Variants in GOLGA1 observed in about 807,000 individuals in gnomAD.
The protein encoded by GOLGA1 is golgin subfamily A member 1.
A neutral mutation model predicts 119.7 loss-of-function variants in GOLGA1; 63 were observed. That is an observed-to-expected ratio of 0.53 (90% CI 0.43 to 0.65). The LOEUF (loss-of-function observed/expected upper bound fraction) is 0.65. Among genes scored for constraint, GOLGA1 ranks in the 30% least tolerant of loss-of-function variants. The probability of loss-of-function intolerance (pLI) is 0.00; values close to 1 mark genes in which losing one functional copy is unlikely to be tolerated. For missense variants in GOLGA1, 798 were observed against 912.8 expected (o/e 0.87, Z 1.62); for synonymous variants, 318 against 333.4 (o/e 0.95, Z 0.50).
chr9:124,902,081 T>C (rs1830118466), intron 12 of GOLGA1, among the ~76,000 whole-genome samples: 1 of 152,218 alleles, frequency 6.6e-6, no homozygotes, highest in Admixed American at 6.5e-5. Flanking sequence ...TCTTATTTAC[T>C]GAATAAGGTC....
intron 10 of GOLGA1, among the ~76,000 whole-genome samples, chr9:124,913,601 CAG>C (rs1367183864): frequency 6.6e-6 from 1 of 152,186 alleles, no homozygotes; most frequent in African/African-American, 2.4e-5. Flanking sequence ...AGGTGGACAA[CAG>C]AGATAGTGGA....
chr9:124,931,523 T>C, intron 3 of GOLGA1, 117 bp from the exon 4 acceptor site: 1 of 641,866 alleles, frequency 1.6e-6, no homozygotes, highest in East Asian at 2.7e-5. Flanking sequence ...TTGTAATCAC[T>C]GAAAAGCTGG....
chr9:124,896,178 C>T (rs1195448196), intron 15 of GOLGA1, among the ~76,000 whole-genome samples: 3 of 152,138 alleles, frequency 2.0e-5, no homozygotes, highest in Non-Finnish European at 4.4e-5. Context: ...CTTTGGGAGG[C>T]CAACGCAGGT....
In GOLGA1 at chr9:124,940,969, A is replaced by G. The variant is rs933064948; in HGVS notation, c.-206+2T>C. The G allele has an allele frequency of 3.3e-5, 5 of 151,920 alleles. No individual in the cohort carries two copies. The highest frequency in any genetic ancestry group is 4.4e-5 in the Non-Finnish European group (3 of 67,964). The allele number at this position is 151,920 out of a possible 1,614,324, so 9.4% of individuals were successfully genotyped here. A position where few individuals can be genotyped will look rare whatever the true frequency, so the allele number is the denominator to read the frequency against. On this transcript the variant is annotated splice_donor_variant, in intron 1 of 22. Transcript: ENST00000373555. LOFTEE classifies it low-confidence loss of function (5UTR_SPLICE). The stretch of plus-strand genomic sequence containing the variant: ...GCATTCCCGGAGTCCTGGCCCGCGC[A>G]CCTGCCTCTCTCTGGGAAGCCAGCA...
At chr9:124,882,478 G>A in intron 20 of GOLGA1, 32 bp downstream of exon 20, 1 of 1,556,108 alleles carries the variant, frequency 6.4e-7, no homozygotes, top group Non-Finnish European at 8.8e-7. Context: ...GGAGTGCTGG[G>A]AAGTGGGGCC....
chr9:124,889,170 G>C lies in GOLGA1; in HGVS notation c.1734C>G (p.Ala578=), dbSNP rs34090990. 11 of 1,611,626 alleles carry C rather than the reference G, an allele frequency of 6.8e-6. No homozygotes were observed. The East Asian group carries it at 2.2e-4, about 33-fold the overall frequency. ...DLLRLRGPLQ[A]EALSVNESHV... ...GCGACTCATTGACTGAGAGTGCTTC[G>C]GCCTGCAATGGGCCCCGCAGCCTCA... Residue 578 remains alanine, a synonymous_variant, in exon 18 of 23, where the codon GCC becomes GCG. Transcript: ENST00000373555.
At chr9:124,939,223 A>G (rs1365340166) in intron 2 of GOLGA1, among the ~76,000 whole-genome samples, 1 of 152,194 alleles carries the variant, frequency 6.6e-6, no homozygotes, top group Non-Finnish European at 1.5e-5. Flanking sequence ...AACATCATAT[A>G]TTCATGACTT....
upstream of GOLGA1, among the ~76,000 whole-genome samples, chr9:124,941,542 G>A (rs1368360306): frequency 6.6e-6 from 1 of 152,224 alleles, no homozygotes; most frequent in Non-Finnish European, 1.5e-5. Context: ...TGCGCCTCCA[G>A]CTTCACTCAC....
chr9:124,926,716 A>G lies in GOLGA1; in HGVS notation c.425T>C (p.Leu142Pro), dbSNP rs1830681247. 3 of 1,585,094 alleles carry G rather than the reference A, an allele frequency of 1.9e-6. No individual in the cohort carries two copies. The highest frequency in any genetic ancestry group is 2.6e-6 in the Non-Finnish European group (3 of 1,154,226). ...AAATAAAGATGAACTAACCTTTTCA[A>G]GCTGATCCATCTTTTCTGACCATTC... ...DQEWSEKMDQ[L>P]EKEKNILTAQ... Residue 142 changes from leucine to proline, a missense_variant, in exon 7 of 23, where the codon CTT becomes CCT. Coordinates refer to ENST00000373555, the MANE Select transcript of GOLGA1 (RefSeq NM_002077.4).
chr9:124,937,440 G>C (rs932698619), intron 3 of GOLGA1, among the ~76,000 whole-genome samples: 1 of 151,926 alleles, frequency 6.6e-6, no homozygotes, highest in Non-Finnish European at 1.5e-5. Context: ...GTGACAGAGC[G>C]AGACCCTATC....
intron 3 of GOLGA1, among the ~76,000 whole-genome samples, chr9:124,936,166 C>T (rs1039499867): frequency 6.6e-6 from 1 of 152,184 alleles, no homozygotes; most frequent in Non-Finnish European, 1.5e-5. Context: ...GTCCATCTGT[C>T]ACAGAACCCA....
intron 4 of GOLGA1, among the ~76,000 whole-genome samples, 200 bp downstream of exon 4, chr9:124,931,116 T>A (rs995916591): frequency 3.3e-5 from 5 of 152,204 alleles, no homozygotes; most frequent in Non-Finnish European, 5.9e-5. Flanking sequence ...AAAAATTTTT[T>A]AATAAACTTT....
At chr9:124,940,728 CTG>C in intron 1 of GOLGA1, among the ~76,000 whole-genome samples, 1 of 152,342 alleles carries the variant, frequency 6.6e-6, no homozygotes, top group East Asian at 1.9e-4. Context: ...AGCAAGGAAA[CTG>C]AGCCCTAGAG....
In GOLGA1 at chr9:124,900,517, A is replaced by G; in HGVS notation, c.1096T>C (p.Ser366Pro). The G allele has an allele frequency of 6.3e-7, 1 of 1,597,482 alleles. No individual in the cohort carries two copies. Among genetic ancestry groups the G allele is most frequent in the Non-Finnish European group, 8.6e-7 (1 of 1,164,910 alleles). ...TTGCTCTGTTGGAGCTGCTCCTCAG[A>G]GGCCTGCAAGGTCTGCTCCAGTTCT... ...VRELEQTLQA[S>P]EEQLQQSKGI... Residue 366 changes from serine (S) to proline (P), a missense_variant, in exon 13 of 23, where the codon TCT becomes CCT. Physicochemically the swap from Ser to Pro is moderately conservative, Grantham distance 74. Transcript: ENST00000373555.
At chr9:124,913,542 C>T (rs577839535) in intron 10 of GOLGA1, among the ~76,000 whole-genome samples, 63 of 152,278 alleles carry the variant, frequency 4.1e-4, no homozygotes, top group Middle Eastern at 3.4e-3. Flanking sequence ...GATGCAGCAA[C>T]CAGGGTGTAT....
At chr9:124,892,742 G>C (rs1325626281) in intron 15 of GOLGA1, among the ~76,000 whole-genome samples, 1 of 152,056 alleles carries the variant, frequency 6.6e-6, no homozygotes, top group Non-Finnish European at 1.5e-5. Flanking sequence ...AGACCAGCCT[G>C]ACCAACATGG....
chr9:124,899,287 C>G (rs371412587), intron 14 of GOLGA1, 42 bp downstream of exon 14: 19 of 1,510,826 alleles, frequency 1.3e-5, no homozygotes, highest in Non-Finnish European at 1.6e-5. Flanking sequence ...TGTGGGGGAC[C>G]CTGGTGCTCC....
chr9:124,923,422 C>A (rs144421231), intron 7 of GOLGA1, among the ~76,000 whole-genome samples, 199 bp from the exon 8 acceptor site: 39 of 152,178 alleles, frequency 2.6e-4, no homozygotes, highest in African/African-American at 8.0e-4. Flanking sequence ...CAGACATGAG[C>A]CACCACACCC....
At chr9:124,921,399 G>A (rs968403442) in intron 9 of GOLGA1, among the ~76,000 whole-genome samples, 159 bp from the exon 10 acceptor site, 34 of 152,162 alleles carry the variant, frequency 2.2e-4, no homozygotes, top group Admixed American at 2.2e-3. Context: ...TCTCTCTGAA[G>A]CAGGAGCCCA....
Sources: allele counts gnomAD v4.1 joint callset (sites outside exome capture counted in the v4.1 genomes callset), GRCh38; gene constraint gnomAD v4.1.1; transcripts MANE v1.5; gene names NCBI Gene and HGNC (gene_info 2026-07-23, HGNC 2026-07-21).